CSMD1: variants seen among roughly 807,000 people sequenced by gnomAD.
CSMD1 encodes CUB and sushi domain-containing protein 1.
A neutral mutation model predicts 417.5 loss-of-function variants in CSMD1; 213 were observed. The observed-to-expected ratio is 0.51, with a 90% CI of 0.46 to 0.57. The LOEUF is 0.57. Among genes scored for constraint, CSMD1 ranks in the 20% least tolerant of loss-of-function variants. The probability of loss-of-function intolerance (pLI) is 0.00; values close to 1 mark genes in which losing one functional copy is unlikely to be tolerated. For missense variants in CSMD1, 6,923 were observed against 4,529.7 expected (o/e 1.53, Z -15.17); for synonymous variants, 2,862 against 1,736.8 (o/e 1.65, Z -16.11).
At chr8:4,150,975 C>A (rs188434179) in intron 3 of CSMD1, among the ~76,000 whole-genome samples, 12 of 152,254 alleles carry the variant, frequency 7.9e-5, no homozygotes, top group Non-Finnish European at 1.5e-4. Flanking sequence ...CTTCCAGATA[C>A]AGGACTAGAC....
At chr8:4,628,663 T>G (rs574360870) in intron 2 of CSMD1, among the ~76,000 whole-genome samples, 7 of 152,154 alleles carry the variant, frequency 4.6e-5, no homozygotes, top group Non-Finnish European at 8.8e-5. Flanking sequence ...TAAAATGGCC[T>G]ACTGTTTCTG....
At chr8:4,241,026 T>G (rs916843076) in intron 3 of CSMD1, among the ~76,000 whole-genome samples, 2 of 152,144 alleles carry the variant, frequency 1.3e-5, no homozygotes, top group Non-Finnish European at 2.9e-5. Context: ...GACTGACTAG[T>G]GTTATTTCTT....
intron 12 of CSMD1, among the ~76,000 whole-genome samples, chr8:3,411,070 G>GT: frequency 6.6e-6 from 1 of 152,288 alleles, no homozygotes; most frequent in East Asian, 1.9e-4. Flanking sequence ...GGCCCTGCCT[G>GT]TTGGGCTTCC....
intron 8 of CSMD1, among the ~76,000 whole-genome samples, chr8:3,599,181 G>C (rs1395474690): frequency 1.3e-5 from 2 of 151,574 alleles, no homozygotes; most frequent in South Asian, 2.1e-4. Context: ...GTGTGTGTGT[G>C]AGATGAGGGA....
intron 2 of CSMD1, among the ~76,000 whole-genome samples, chr8:4,449,288 T>C (rs1029712385): frequency 6.6e-6 from 1 of 152,194 alleles, no homozygotes; most frequent in Non-Finnish European, 1.5e-5. Flanking sequence ...CAGAAATGTT[T>C]TACCAGGAGC....
intron 3 of CSMD1, among the ~76,000 whole-genome samples, chr8:4,359,599 G>C (rs1047586175): frequency 4.6e-5 from 7 of 152,194 alleles, no homozygotes; most frequent in Non-Finnish European, 7.3e-5. Context: ...CTAAAAGACT[G>C]AATTAACTCA....
rs538440188 is a variant in CSMD1, at chr8:4,401,576, C to G, written c.415+18377G>C. On this transcript the variant is annotated intron_variant, in intron 3 of 69. Coordinates refer to ENST00000635120, the MANE Select transcript of CSMD1 (RefSeq NM_033225.6). The stretch of plus-strand genomic sequence containing the variant: ...ATGTTTGCTTTGAGCCTGTCTAGAC[C>G]AATCCATCATGTCCTCCATCCCTGT... Among the ~76,000 whole-genome samples, 5 of 152,088 alleles carry G rather than the reference C, an allele frequency of 3.3e-5. No individual in the cohort carries two copies. The South Asian group carries it at 1.0e-3, about 32-fold the overall frequency.
At chr8:4,437,092 A>C (rs1175345544) in intron 2 of CSMD1, among the ~76,000 whole-genome samples, 1 of 152,168 alleles carries the variant, frequency 6.6e-6, no homozygotes, top group Non-Finnish European at 1.5e-5. Context: ...CAAATTTCCG[A>C]AAAAATGAAT....
intron 2 of CSMD1, among the ~76,000 whole-genome samples, chr8:4,537,345 GATT>G (rs1308472255): frequency 2.6e-5 from 4 of 152,148 alleles, no homozygotes; most frequent in Admixed American, 1.3e-4. Flanking sequence ...TAAAATGAGA[GATT>G]ATTATATAAA....
intron 26 of CSMD1, among the ~76,000 whole-genome samples, chr8:3,268,568 G>C (rs1377562375): frequency 6.6e-6 from 1 of 152,002 alleles, no homozygotes; most frequent in Admixed American, 6.6e-5. Context: ...TTACAGGCGT[G>C]AGCCACCGTG....
At position 3,943,040 on chromosome 8, in the gene CSMD1, G is replaced by A. The variant is rs78023822; in HGVS notation, c.818+54863C>T. Among the ~76,000 whole-genome samples the A allele has an allele frequency of 2.6e-3, 397 of 152,168 alleles. 4 individuals carry two copies. Among genetic ancestry groups the A allele is most frequent in the Middle Eastern group, 0.017 (5 of 294 alleles). Reference sequence around the variant, plus strand: ...TTATTTTGTTACTCAGGAAAATCCTGCTTTTCAGAGAAGATAAATGCAATA... The same window carrying A: ...TTATTTTGTTACTCAGGAAAATCCTACTTTTCAGAGAAGATAAATGCAATA... On this transcript the variant is annotated intron_variant, in intron 5 of 69. Transcript: ENST00000635120.
chr8:4,328,704 T>C (rs1799696313), intron 3 of CSMD1, among the ~76,000 whole-genome samples: 1 of 152,218 alleles, frequency 6.6e-6, no homozygotes, highest in Admixed American at 6.5e-5. Flanking sequence ...AAGTGCTTTA[T>C]TAGCTATACT....
chr8:3,668,346 C>G, intron 7 of CSMD1, among the ~76,000 whole-genome samples: 1 of 152,118 alleles, frequency 6.6e-6, no homozygotes, highest in East Asian at 1.9e-4. Flanking sequence ...AGGCCCTGGG[C>G]TGTGCATGAC....
chr8:3,251,860 T>G (rs147127731), intron 26 of CSMD1, among the ~76,000 whole-genome samples: 5 of 152,032 alleles, frequency 3.3e-5, no homozygotes, highest in South Asian at 2.1e-4. Flanking sequence ...ATTTGGCTCT[T>G]TCTTTGTCTG....
At chr8:3,889,027 C>G (rs1829860) in intron 5 of CSMD1, among the ~76,000 whole-genome samples, 3 of 151,240 alleles carry the variant, frequency 2.0e-5, no homozygotes, top group African/African-American at 7.3e-5. Flanking sequence ...ACCATAATTG[C>G]CATTTCATAC....
At chr8:4,479,418 A>T (rs1274803309) in intron 2 of CSMD1, among the ~76,000 whole-genome samples, 1 of 152,174 alleles carries the variant, frequency 6.6e-6, no homozygotes, top group Non-Finnish European at 1.5e-5. Context: ...GTAATTAAGA[A>T]ACCAGAAAAC....
intron 1 of CSMD1, among the ~76,000 whole-genome samples, chr8:4,919,900 G>C (rs951768671): frequency 5.9e-5 from 9 of 152,094 alleles, no homozygotes; most frequent in Admixed American, 1.3e-4. Context: ...CAGCAACAAG[G>C]TATTCTCTTG....
Position 3,617,305 on chromosome 8 carries a change from G to A in CSMD1, c.1010-508C>T, listed in dbSNP as rs1355606767. On this transcript the variant is annotated intron_variant, in intron 7 of 69. Transcript: ENST00000635120. The stretch of plus-strand genomic sequence containing the variant: ...CCCATAATGGTTTCTTTGTTCAAAT[G>A]CACTGATTTATTTCTCGAATTTCAT... Among the ~76,000 whole-genome samples, 4 of 152,156 alleles carry A rather than the reference G, an allele frequency of 2.6e-5. No individual in the cohort carries two copies. The East Asian group carries it at 5.8e-4, about 22-fold the overall frequency.
At chr8:3,530,199 G>T (rs544385013) in intron 10 of CSMD1, among the ~76,000 whole-genome samples, 4 of 152,094 alleles carry the variant, frequency 2.6e-5, no homozygotes, top group Admixed American at 1.3e-4. Flanking sequence ...CCTTCTTTCT[G>T]CAAGCTTCAG....
Sources: allele counts gnomAD v4.1 joint callset (sites outside exome capture counted in the v4.1 genomes callset), GRCh38; gene constraint gnomAD v4.1.1; transcripts MANE v1.5; gene names NCBI Gene and HGNC (gene_info 2026-07-23, HGNC 2026-07-21).